Variants in ERBB4 observed in about 807,000 individuals in gnomAD.
ERBB4 encodes the protein erb-b2 receptor tyrosine kinase 4.
In ERBB4, 42 loss-of-function variants were observed where a neutral mutation model predicts 158.0. That is an observed-to-expected ratio of 0.27 (90% CI 0.21 to 0.34). ERBB4 has a LOEUF of 0.34. Ranked by LOEUF, ERBB4 falls within the 10% of genes least tolerant of loss-of-function variation. The pLI, the probability that ERBB4 is intolerant of heterozygous loss-of-function variation, is 1.00. For missense variants in ERBB4, 1,333 were observed against 1,624.1 expected (o/e 0.82, Z 3.08); for synonymous variants, 583 against 558.7 (o/e 1.04, Z -0.61).
chr2:212,377,451 C>T (rs998795471), intron 1 of ERBB4, among the ~76,000 whole-genome samples: 3 of 151,686 alleles, frequency 2.0e-5, no homozygotes, highest in African/African-American at 7.3e-5. Flanking sequence ...TCTATTGCTC[C>T]CAAGCTACAA....
In ERBB4 at chr2:212,366,684, T is replaced by G. The variant is rs1383112086; in HGVS notation, c.82+171765A>C. On this transcript the variant is annotated intron_variant, in intron 1 of 27. Transcript: ENST00000342788. ...CATAAGATACATAACTTAGAGCACTTGATACTACATTTTGAATAATATTAT... is the reference window on the plus strand; with the variant it reads ...CATAAGATACATAACTTAGAGCACTGGATACTACATTTTGAATAATATTAT... 2.0e-5 allele frequency among the ~76,000 whole-genome samples: 3 copies of G among 152,144 alleles called. No homozygotes were observed. The East Asian group carries it at 5.8e-4, about 29-fold the overall frequency.
intron 2 of ERBB4, among the ~76,000 whole-genome samples, chr2:211,994,462 C>A (rs547123505): frequency 1.3e-5 from 2 of 152,040 alleles, no homozygotes; most frequent in Non-Finnish European, 2.9e-5. Flanking sequence ...TACATTATGT[C>A]CATTTTTAGA....
At chr2:211,416,080 T>C (rs2063383782) in intron 25 of ERBB4, among the ~76,000 whole-genome samples, 2 of 152,218 alleles carry the variant, frequency 1.3e-5, no homozygotes, top group African/African-American at 4.8e-5. Context: ...GCATTTAATC[T>C]TAAAACTATT....
chr2:211,867,963 T>C (rs2078250172), intron 3 of ERBB4, among the ~76,000 whole-genome samples: 1 of 152,222 alleles, frequency 6.6e-6, no homozygotes, highest in African/African-American at 2.4e-5. Context: ...ATGAAAAGCA[T>C]CTTTTACAAT....
At chr2:211,553,280 T>C (rs2067152746) in intron 20 of ERBB4, among the ~76,000 whole-genome samples, 1 of 152,124 alleles carries the variant, frequency 6.6e-6, no homozygotes, top group Non-Finnish European at 1.5e-5. Flanking sequence ...AATAATACAA[T>C]TTTTAACATA....
intron 19 of ERBB4, among the ~76,000 whole-genome samples, chr2:211,592,591 T>G (rs111614572): frequency 1.3e-5 from 2 of 152,056 alleles, no homozygotes; most frequent in South Asian, 2.1e-4. Context: ...ATTTCAAGGT[T>G]CCAAAACATA....
At chr2:211,986,096 G>C (rs1159506929) in intron 2 of ERBB4, among the ~76,000 whole-genome samples, 1 of 152,192 alleles carries the variant, frequency 6.6e-6, no homozygotes. Flanking sequence ...TGGAGGCAGA[G>C]GCTGAGTGGT....
intron 20 of ERBB4, among the ~76,000 whole-genome samples, chr2:211,531,724 G>C (rs904321754): frequency 6.6e-6 from 1 of 152,172 alleles, no homozygotes; most frequent in African/African-American, 2.4e-5. Flanking sequence ...ATGTAAATTA[G>C]TACAACCACT....
At chr2:212,173,003 A>C (rs961564156) in intron 1 of ERBB4, among the ~76,000 whole-genome samples, 1 of 152,154 alleles carries the variant, frequency 6.6e-6, no homozygotes, top group Non-Finnish European at 1.5e-5. Context: ...TGCACAATGA[A>C]AGTCAATGTA....
intron 2 of ERBB4, among the ~76,000 whole-genome samples, chr2:212,077,669 G>A (rs1375390178): frequency 6.6e-6 from 1 of 151,850 alleles, no homozygotes; most frequent in African/African-American, 2.4e-5. Flanking sequence ...AGGCAAGCAG[G>A]GGACTTAAGA....
intron 1 of ERBB4, among the ~76,000 whole-genome samples, chr2:212,528,095 C>G (rs757873963): frequency 1.3e-5 from 2 of 152,032 alleles, no homozygotes; most frequent in Non-Finnish European, 2.9e-5. Flanking sequence ...AGGGAAACTA[C>G]AGGGTAACCT....
intron 2 of ERBB4, among the ~76,000 whole-genome samples, chr2:212,022,601 G>A (rs1165769039): frequency 6.6e-6 from 1 of 151,936 alleles, no homozygotes; most frequent in Non-Finnish European, 1.5e-5. Flanking sequence ...CCTAGGCCAT[G>A]GTTTGATAGG....
Position 212,316,672 on chromosome 2 carries a change from T to C in ERBB4, c.83-191769A>G, listed in dbSNP as rs570839799. On this transcript the variant is annotated intron_variant, in intron 1 of 27. Transcript: ENST00000342788. ...CTGAGCGAAATTGCTTGTTTAGATG[T>C]ATGGTGTCAGTTGAGAGACTAGTAG... Among the ~76,000 whole-genome samples the C allele has an allele frequency of 4.0e-5, 6 of 151,574 alleles. No individual in the cohort carries two copies. The East Asian group carries it at 1.2e-3, about 30-fold the overall frequency.
chr2:211,583,204 T>A (rs2068155430), intron 19 of ERBB4, among the ~76,000 whole-genome samples: 1 of 152,050 alleles, frequency 6.6e-6, no homozygotes, highest in African/African-American at 2.4e-5. Flanking sequence ...CACAAATATT[T>A]ACTGAGCACT....
chr2:212,131,534 G>C (rs970776117), intron 1 of ERBB4, among the ~76,000 whole-genome samples: 1 of 152,142 alleles, frequency 6.6e-6, no homozygotes, highest in Admixed American at 6.6e-5. Flanking sequence ...AATTGGAAGT[G>C]ACTGCCGTGC....
intron 1 of ERBB4, among the ~76,000 whole-genome samples, chr2:212,301,378 A>G (rs2086615785): frequency 6.6e-6 from 1 of 151,430 alleles, no homozygotes; most frequent in Non-Finnish European, 1.5e-5. Context: ...AAAATTTTAA[A>G]TAGGGTAAAA....
chr2:212,264,834 C>T (rs569087632), intron 1 of ERBB4, among the ~76,000 whole-genome samples: 5 of 151,944 alleles, frequency 3.3e-5, no homozygotes, highest in Non-Finnish European at 5.9e-5. Context: ...TAAATGATCA[C>T]GTGAATGAAC....
intron 2 of ERBB4, among the ~76,000 whole-genome samples, chr2:212,088,512 T>G (rs907923925): frequency 6.6e-6 from 1 of 152,140 alleles, no homozygotes; most frequent in African/African-American, 2.4e-5. Flanking sequence ...TATGATGCAA[T>G]CCTGCACGTG....
intron 3 of ERBB4, among the ~76,000 whole-genome samples, chr2:211,882,952 G>A (rs2078701526): frequency 6.6e-6 from 1 of 152,184 alleles, no homozygotes; most frequent in East Asian, 1.9e-4. Flanking sequence ...TCCCTTTACT[G>A]GGTATATACC....
Sources: allele counts gnomAD v4.1 joint callset (sites outside exome capture counted in the v4.1 genomes callset), GRCh38; gene constraint gnomAD v4.1.1; transcripts MANE v1.5; gene names NCBI Gene and HGNC (gene_info 2026-07-23, HGNC 2026-07-21).